PCSK2: variants seen among roughly 807,000 people sequenced by gnomAD.
PCSK2 encodes the protein neuroendocrine convertase 2.
Under a neutral mutation model 69.7 loss-of-function variants are expected in PCSK2, and 14 were observed. The observed-to-expected ratio is 0.20, with a 90% CI of 0.13 to 0.31. PCSK2 has a LOEUF of 0.31. PCSK2 is among the 10% of genes least tolerant of loss of function. PCSK2 has a pLI of 1.00. For synonymous variants in PCSK2, 307 were observed against 320.7 expected (o/e 0.96, Z 0.46); for missense variants, 544 against 842.5 (o/e 0.65, Z 4.39).
Position 17,428,719 on chromosome 20 carries a change from C to G in PCSK2, c.621-716C>G, listed in dbSNP as rs577714926. ...CCACCATTAAAATGGACTTTTCTAG[C>G]CACACTCAGCAGCTCACAGCTGTAA... On this transcript the variant is annotated intron_variant, in intron 6 of 11. Coordinates refer to ENST00000262545, the MANE Select transcript of PCSK2 (RefSeq NM_002594.5). Among the ~76,000 whole-genome samples the G allele has an allele frequency of 3.3e-5, 5 of 152,134 alleles. No homozygotes were observed. In the South Asian group the frequency reaches 1.0e-3, roughly 32 times the overall value.
At chr20:17,428,334 G>A (rs2032289996) in intron 6 of PCSK2, among the ~76,000 whole-genome samples, 1 of 152,168 alleles carries the variant, frequency 6.6e-6, no homozygotes, top group South Asian at 2.1e-4. Context: ...TTGTTCCAAA[G>A]AGAATTTTGA....
chr20:17,484,269 A>G lies in PCSK2; in HGVS notation c.*2199A>G, dbSNP rs542142345. 12 of 152,622 alleles carry G rather than the reference A, an allele frequency of 7.9e-5. No homozygotes were observed. The South Asian group carries it at 2.5e-3, about 32-fold the overall frequency. 9.5% of individuals were successfully genotyped at this position (152,622 alleles called of 1,614,324 possible). A position where few individuals can be genotyped will look rare whatever the true frequency, so the allele number is the denominator to read the frequency against. ...GCAACTTATCAGCTACTTAAGAGAA[A>G]TGGCAAGTTTTGATATGAGTATACA... is the stretch of plus-strand genomic sequence containing the variant. On this transcript the variant is annotated 3_prime_UTR_variant, in exon 12 of 12. Coordinates refer to ENST00000262545, the MANE Select transcript of PCSK2 (RefSeq NM_002594.5).
intron 2 of PCSK2, among the ~76,000 whole-genome samples, chr20:17,329,827 T>C (rs920849216): frequency 7.2e-5 from 11 of 152,198 alleles, no homozygotes; most frequent in Non-Finnish European, 1.5e-4. Flanking sequence ...TCAAGAAGTA[T>C]ATGAAGGAAA....
At chr20:17,384,045 G>T (rs1428763187) in intron 5 of PCSK2, among the ~76,000 whole-genome samples, 1 of 152,128 alleles carries the variant, frequency 6.6e-6, no homozygotes, top group Non-Finnish European at 1.5e-5. Flanking sequence ...TATTGACACT[G>T]TGAAAAGTAT....
intron 1 of PCSK2, among the ~76,000 whole-genome samples, chr20:17,238,418 C>G (rs1202196724): frequency 2.0e-5 from 3 of 152,114 alleles, no homozygotes; most frequent in Admixed American, 6.5e-5. Flanking sequence ...AAATTACAGC[C>G]TTTCAGAACA....
At chr20:17,426,925 G>A (rs1028919794) in intron 6 of PCSK2, among the ~76,000 whole-genome samples, 2 of 152,156 alleles carry the variant, frequency 1.3e-5, no homozygotes, top group Admixed American at 1.3e-4. Flanking sequence ...TGGATACCTC[G>A]TGGCCCAGCC....
intron 8 of PCSK2, among the ~76,000 whole-genome samples, chr20:17,452,494 ATC>A (rs778390959): frequency 6.6e-6 from 1 of 152,232 alleles, no homozygotes; most frequent in Non-Finnish European, 1.5e-5. Flanking sequence ...TAATCCAGTC[ATC>A]TCTCTTCCTT....
At chr20:17,480,501 A>C (rs1281136533) in intron 11 of PCSK2, among the ~76,000 whole-genome samples, 5 of 152,048 alleles carry the variant, frequency 3.3e-5, no homozygotes, top group Non-Finnish European at 5.9e-5. Context: ...GCTTTTCTTA[A>C]TGGTAGTAAT....
rs780820865 is a variant in PCSK2, at chr20:17,465,393, G to C, written c.1270G>C (p.Asp424His). The C allele has an allele frequency of 1.2e-6, 2 of 1,614,140 alleles. No homozygotes were observed. Among genetic ancestry groups the C allele is most frequent in the Non-Finnish European group, 1.7e-6 (2 of 1,180,018 alleles). The part of the protein sequence containing the change: ...VLTSKRNQLH[D>H]EVHQWRRNGV... ...CACCTCCAAACGGAACCAGCTTCAC[G>C]ACGAGGTCCATCAGTGGCGGCGCAA... The change falls in exon 11 of 12, where the codon GAC becomes CAC. Residue 424 changes from aspartate (D) to histidine (H), a missense_variant. This residue lies in a region of PCSK2 where 200 missense variants were observed against 287.8 expected (regional missense o/e 0.69). Coordinates refer to ENST00000262545, the MANE Select transcript of PCSK2 (RefSeq NM_002594.5).
intron 2 of PCSK2, among the ~76,000 whole-genome samples, chr20:17,299,856 T>G (rs1252905597): frequency 6.6e-6 from 1 of 151,662 alleles, no homozygotes; most frequent in Non-Finnish European, 1.5e-5. Flanking sequence ...TTCATAACTT[T>G]GGGAAGTAGA....
intron 6 of PCSK2, among the ~76,000 whole-genome samples, chr20:17,428,600 A>C (rs1326497891): frequency 6.6e-6 from 1 of 152,208 alleles, no homozygotes; most frequent in African/African-American, 2.4e-5. Flanking sequence ...CAATTTGAAC[A>C]GTGAGTGGAA....
At chr20:17,319,676 A>G (rs2123128429) in intron 2 of PCSK2, among the ~76,000 whole-genome samples, 1 of 152,158 alleles carries the variant, frequency 6.6e-6, no homozygotes, top group South Asian at 2.1e-4. Flanking sequence ...AAGGGGGTGA[A>G]CACTGGGAGG....
chr20:17,319,077 TTAAA>T (rs1989783557), intron 2 of PCSK2, among the ~76,000 whole-genome samples: 1 of 152,246 alleles, frequency 6.6e-6, no homozygotes, highest in Non-Finnish European at 1.5e-5. Flanking sequence ...TAGTGAGCCA[TTAAA>T]TAATTAATTG....
chr20:17,441,073 C>G lies in PCSK2; in HGVS notation c.885+4190C>G, dbSNP rs559048841. Reference sequence around the variant, plus strand: ...TTGCTTCTCCCCGGTTTCGTGGCTCCGGCTCTCCAACTCACCCTTCCCCTT... The same window carrying G: ...TTGCTTCTCCCCGGTTTCGTGGCTCGGGCTCTCCAACTCACCCTTCCCCTT... On this transcript the variant is annotated intron_variant, in intron 8 of 11. Transcript: ENST00000262545. 2.0e-5 allele frequency among the ~76,000 whole-genome samples: 3 copies of G among 152,246 alleles called. No homozygotes were observed. The East Asian group carries it at 5.8e-4, about 30-fold the overall frequency.
At chr20:17,380,249 A>G (rs1392007505) in intron 5 of PCSK2, among the ~76,000 whole-genome samples, 3 of 152,258 alleles carry the variant, frequency 2.0e-5, no homozygotes, top group African/African-American at 7.2e-5. Flanking sequence ...TTTGAGCACA[A>G]ACTGAATGAC....
At chr20:17,249,940 G>A (rs762354886) in intron 1 of PCSK2, among the ~76,000 whole-genome samples, 3 of 152,100 alleles carry the variant, frequency 2.0e-5, no homozygotes, top group South Asian at 4.1e-4. Flanking sequence ...TAATGTGAGT[G>A]TACTTAATAT....
At position 17,453,131 on chromosome 20, in the gene PCSK2, G is replaced by C. The variant is rs2032857639; in HGVS notation, c.886-611G>C. On this transcript the variant is annotated intron_variant, in intron 8 of 11. Coordinates refer to ENST00000262545, the MANE Select transcript of PCSK2 (RefSeq NM_002594.5). This position sits in a 1 kb window ranked among gnomAD's most constrained non-coding sequence, Gnocchi z 4.0. ...TGAATAAAAAAGAATATATACATATGCACACACACGTAAGATTTTTATATA... is the reference window on the plus strand; with the variant it reads ...TGAATAAAAAAGAATATATACATATCCACACACACGTAAGATTTTTATATA... 6.6e-6 allele frequency among the ~76,000 whole-genome samples: 1 copy of C among 152,072 alleles called. No homozygotes were observed. Among genetic ancestry groups the C allele is most frequent in the Non-Finnish European group, 1.5e-5 (1 of 68,002 alleles).
intron 2 of PCSK2, among the ~76,000 whole-genome samples, chr20:17,329,244 G>A (rs1316190941): frequency 2.0e-5 from 3 of 152,074 alleles, no homozygotes; most frequent in African/African-American, 4.8e-5. Flanking sequence ...AAGAAACCTA[G>A]CAGTACATCA....
chr20:17,411,965 C>G (rs2031885429), intron 6 of PCSK2, among the ~76,000 whole-genome samples: 1 of 152,198 alleles, frequency 6.6e-6, no homozygotes, highest in Non-Finnish European at 1.5e-5. Context: ...AACTAACAAA[C>G]AGAAAGGAAT....
Sources: gnomAD v4.1 joint callset for allele counts (sites outside exome capture counted in the v4.1 genomes callset) on GRCh38, gnomAD v4.1.1 for gene constraint, gnomAD v4.1.1 regional missense constraint, Gnocchi (gnomAD v3.1) non-coding constraint, MANE v1.5 for transcripts, NCBI Gene and HGNC (gene_info 2026-07-23, HGNC 2026-07-21) for gene names.